ROR2: variants seen among roughly 807,000 people sequenced by gnomAD.
The protein encoded by ROR2 is ROR family WNT receptor 2, also known as tyrosine-protein kinase transmembrane receptor ROR2.
Under a neutral mutation model 74.9 loss-of-function variants are expected in ROR2, and 33 were observed. The observed-to-expected ratio is 0.44, with a 90% CI of 0.33 to 0.59. The LOEUF (loss-of-function observed/expected upper bound fraction) is 0.59, where lower values mean the gene tolerates loss of function less well. ROR2 is among the 20% of genes least tolerant of loss of function. The probability of loss-of-function intolerance (pLI) is 0.02; values close to 1 mark genes in which losing one functional copy is unlikely to be tolerated. For missense variants in ROR2, 1,216 were observed against 1,313.8 expected (o/e 0.93, Z 1.15); for synonymous variants, 586 against 558.7 (o/e 1.05, Z -0.69).
At chr9:91,909,021 A>C (rs1830886473) in intron 1 of ROR2, among the ~76,000 whole-genome samples, 1 of 152,018 alleles carries the variant, frequency 6.6e-6, no homozygotes, top group Admixed American at 6.6e-5. Flanking sequence ...ATGACCCCAA[A>C]CCTCTTTAAT....
intron 1 of ROR2, among the ~76,000 whole-genome samples, chr9:91,795,381 T>C (rs1316347644): frequency 6.6e-6 from 1 of 152,242 alleles, no homozygotes; most frequent in Non-Finnish European, 1.5e-5. Context: ...GACTGTATTG[T>C]GGCACTGATG....
chr9:91,747,521 G>A (rs976539482), intron 4 of ROR2, among the ~76,000 whole-genome samples: 1 of 152,170 alleles, frequency 6.6e-6, no homozygotes, highest in Non-Finnish European at 1.5e-5. Context: ...ACTACTATTC[G>A]CTGTTCAACT....
rs145264737 is a variant in ROR2 at position 91,781,299 on chromosome 9, C to T, written c.98-5481G>A. ...GAATGAATGGCAAGGACAGATTTCA[C>T]AATGAGCTACGCTGCGAGCAAGCTC... On this transcript the variant is annotated intron_variant, in intron 1 of 8. Transcript: ENST00000375708. 4.2e-3 allele frequency among the ~76,000 whole-genome samples: 642 copies of T among 152,320 alleles called. 6 individuals are homozygous for T. The highest frequency in any genetic ancestry group is 0.015 in the African/African-American group (611 of 41,566).
chr9:91,925,028 T>A (rs1831361128), intron 1 of ROR2, among the ~76,000 whole-genome samples: 1 of 151,988 alleles, frequency 6.6e-6, no homozygotes, highest in Non-Finnish European at 1.5e-5. Context: ...TTATTATTAT[T>A]ATTTGTAGAG....
chr9:91,940,264 G>A (rs1481187839), intron 1 of ROR2, among the ~76,000 whole-genome samples: 1 of 152,206 alleles, frequency 6.6e-6, no homozygotes, highest in Non-Finnish European at 1.5e-5. Context: ...TACCATTCAT[G>A]CTGAAGTATT....
At chr9:91,901,118 G>A (rs938575667) in intron 1 of ROR2, among the ~76,000 whole-genome samples, 7 of 152,204 alleles carry the variant, frequency 4.6e-5, no homozygotes, top group Non-Finnish European at 1.5e-5. Flanking sequence ...GAACTGTCTT[G>A]TAAAACTGTG....
Position 91,740,941 on chromosome 9 carries a change from G to A in ROR2, c.495-3423C>T, listed in dbSNP as rs1200928142. On this transcript the variant is annotated intron_variant, in intron 4 of 8. Transcript: ENST00000375708. ...GCCAGGCACTGATCCAAGGCCTGAC[G>A]GGACATGGATGAAGAAGAAACTTCT... is the stretch of plus-strand genomic sequence containing the variant. Among the ~76,000 whole-genome samples, 3 of 152,244 alleles carry A rather than the reference G, an allele frequency of 2.0e-5. No individual in the cohort carries two copies. In the East Asian group the frequency reaches 5.8e-4, roughly 29 times the overall value.
chr9:91,907,975 T>C (rs1341926899), intron 1 of ROR2, among the ~76,000 whole-genome samples: 1 of 152,210 alleles, frequency 6.6e-6, no homozygotes, highest in African/African-American at 2.4e-5. Flanking sequence ...CTATCTGGTC[T>C]TCAGGGAAAC....
intron 1 of ROR2, chr9:91,948,740 A>T (rs1012141251): frequency 4.1e-4 from 402 of 985,338 alleles, no homozygotes; most frequent in Non-Finnish European, 4.7e-4. Flanking sequence ...GGGATGGGGG[A>T]TACTGAAGCC....
At chr9:91,945,475 C>G (rs544681793) in intron 1 of ROR2, among the ~76,000 whole-genome samples, 89 of 152,320 alleles carry the variant, frequency 5.8e-4, no homozygotes, top group African/African-American at 1.8e-3. Flanking sequence ...CTGATAACAT[C>G]TAGAAAGTGA....
chr9:91,887,643 T>C (rs1435368643), intron 1 of ROR2, among the ~76,000 whole-genome samples: 1 of 152,196 alleles, frequency 6.6e-6, no homozygotes, highest in Non-Finnish European at 1.5e-5. Context: ...CTCTGACCTA[T>C]GCCTGGGAAT....
chr9:91,910,974 T>C lies in ROR2; in HGVS notation c.97+38893A>G, dbSNP rs147488568. Reference sequence around the variant, plus strand: ...CCACCGCGCCCAGCCAACTATGTAATACTTTTAATAATATAGAATGATGGA... The same window carrying C: ...CCACCGCGCCCAGCCAACTATGTAACACTTTTAATAATATAGAATGATGGA... On this transcript the variant is annotated intron_variant, in intron 1 of 8. Coordinates refer to ENST00000375708, the MANE Select transcript of ROR2 (RefSeq NM_004560.4). Among the ~76,000 whole-genome samples, 1,095 of 152,336 alleles carry C rather than the reference T, an allele frequency of 7.2e-3. 4 individuals carry two copies. The highest frequency in any genetic ancestry group is 0.012 in the Non-Finnish European group (800 of 68,034).
intron 2 of ROR2, among the ~76,000 whole-genome samples, chr9:91,764,615 T>C (rs1465752630): frequency 6.6e-6 from 1 of 151,452 alleles, no homozygotes; most frequent in Non-Finnish European, 1.5e-5. Context: ...TTCCTACTGC[T>C]TAGATACACT....
Position 91,723,914 on chromosome 9 carries a change from G to A in ROR2, c.2580C>T (p.Ser860=), listed in dbSNP as rs1234666251. Residue 860 remains serine, a synonymous_variant, in exon 9 of 9, where the codon AGC becomes AGT. Coordinates refer to ENST00000375708, the MANE Select transcript of ROR2 (RefSeq NM_004560.4). ...TGGAGCCACTGCCACTGTGGTGTGA[G>A]CTGGGCTTGGGGACCATCTGAGGAG... ...QVPPQMVPKP[S]SHHSGSGSTS... The A allele has an allele frequency of 3.1e-6, 5 of 1,613,944 alleles. No homozygotes were observed. The highest frequency in any genetic ancestry group is 4.2e-6 in the Non-Finnish European group (5 of 1,180,034).
Position 91,775,770 on chromosome 9 carries a change from C to A in ROR2, c.146G>T (p.Gly49Val), listed in dbSNP as rs201991252. Residue 49 changes from glycine to valine, a missense_variant, in exon 2 of 9, where the codon GGG becomes GTG. Physicochemically the swap from Gly to Val is moderately radical, Grantham distance 109. Transcript: ENST00000375708. The stretch of plus-strand genomic sequence containing the variant: ...CAGAGTTGGAATCGGGCCGTCCTGC[C>A]CATCAAGGGGTCCTAAAGGGTCGTT... ...DPNDPLGPLD[G>V]QDGPIPTLKG... The A allele has an allele frequency of 1.3e-4, 209 of 1,614,164 alleles. No individual in the cohort carries two copies. In the East Asian group the frequency reaches 4.6e-3, roughly 36 times the overall value.
At chr9:91,833,018 C>T (rs1263849279) in intron 1 of ROR2, among the ~76,000 whole-genome samples, 1 of 152,164 alleles carries the variant, frequency 6.6e-6, no homozygotes, top group Non-Finnish European at 1.5e-5. Context: ...GGATGTGGTA[C>T]ACAAAAGCAG....
chr9:91,844,729 T>C (rs1354312752), intron 1 of ROR2, among the ~76,000 whole-genome samples: 1 of 152,082 alleles, frequency 6.6e-6, no homozygotes, highest in Non-Finnish European at 1.5e-5. Flanking sequence ...GAACCTACAC[T>C]GTTAGGAAGG....
rs1474520436 is a variant in ROR2, at chr9:91,733,714, G to A, written c.623-278C>T. ...GAAACATCAGAAGCAGAACAAGAAA[G>A]AAGGAAAACTCGGCCCCCTAGCTCA... On this transcript the variant is annotated intron_variant, in intron 5 of 8. Coordinates refer to ENST00000375708, the MANE Select transcript of ROR2 (RefSeq NM_004560.4). The surrounding 1 kb of genome is among the most constrained non-coding windows in gnomAD (Gnocchi z 5.7). 6.6e-6 allele frequency among the ~76,000 whole-genome samples: 1 copy of A among 151,902 alleles called. No homozygotes were observed. The highest frequency in any genetic ancestry group is 6.5e-5 in the Admixed American group (1 of 15,284).
At chr9:91,853,163 C>T (rs749652466) in intron 1 of ROR2, among the ~76,000 whole-genome samples, 1 of 152,186 alleles carries the variant, frequency 6.6e-6, no homozygotes, top group Non-Finnish European at 1.5e-5. Flanking sequence ...TGGGCCTTTG[C>T]CCCTGGGATT....
Sources: allele counts gnomAD v4.1 joint callset (sites outside exome capture counted in the v4.1 genomes callset), GRCh38; gene constraint gnomAD v4.1.1; non-coding constraint Gnocchi (gnomAD v3.1); transcripts MANE v1.5; gene names NCBI Gene and HGNC (gene_info 2026-07-23, HGNC 2026-07-21).